The following NDUFS2 variants were observed in gnomAD, a reference collection of about 807,000 sequenced individuals.
The protein encoded by NDUFS2 is NADH:ubiquinone oxidoreductase core subunit S2, also known as NADH dehydrogenase [ubiquinone] iron-sulfur protein 2, mitochondrial.
A neutral mutation model predicts 69.6 loss-of-function variants in NDUFS2; 38 were observed. The ratio of observed to expected loss-of-function variants is 0.55; its 90% CI spans 0.42 to 0.72. The LOEUF is 0.72. Among genes scored for constraint, NDUFS2 ranks in the 30% least tolerant of loss-of-function variants. NDUFS2 has a pLI of 0.00. For synonymous variants in NDUFS2, 194 were observed against 211.2 expected, an observed-to-expected ratio of 0.92 and a Z score of 0.70; for missense variants, 468 against 595.0, an observed-to-expected ratio of 0.79 and a Z score of 2.22.
At chr1:161,210,222 C>T in intron 7 of NDUFS2, 34 bp downstream of exon 7, 1 of 1,611,466 alleles carries the variant, frequency 6.2e-7, no homozygotes, top group Non-Finnish European at 8.5e-7. Context: ...AATCTCTCCC[C>T]CACAAGAAGG....
intron 9 of NDUFS2, among the ~76,000 whole-genome samples, chr1:161,211,611 C>T (rs1015821384): frequency 2.0e-5 from 3 of 152,122 alleles, no homozygotes; most frequent in African/African-American, 7.2e-5. Flanking sequence ...GATGGAGCCA[C>T]TGCATTCCAG....
Position 161,205,657 on chromosome 1 carries a change from A to G in NDUFS2, c.203-750A>G, listed in dbSNP as rs1303630674. Among the ~76,000 whole-genome samples the G allele has an allele frequency of 5.3e-5, 8 of 151,666 alleles. No homozygotes were observed. The South Asian group carries it at 1.0e-3, about 20-fold the overall frequency. On this transcript the variant is annotated intron_variant, in intron 2 of 13. Coordinates refer to ENST00000676972, the MANE Select transcript of NDUFS2 (RefSeq NM_001377299.1). ...GTGGTGTGCGCCTGTAGTCCCAGCT[A>G]CTCTGGAGGCTGACACAGGAGAATT...
At chr1:161,209,657 A>G (rs1240123816) in intron 5 of NDUFS2, 62 bp downstream of exon 5, 1 of 1,371,100 alleles carries the variant, frequency 7.3e-7, no homozygotes, top group Non-Finnish European at 1.0e-6. Flanking sequence ...GAAGGTATAA[A>G]GGAGACAGGA....
At chr1:161,212,188 A>G (rs554016072) in intron 9 of NDUFS2, among the ~76,000 whole-genome samples, 163 bp from the exon 10 acceptor site, 2 of 151,712 alleles carry the variant, frequency 1.3e-5, no homozygotes, top group South Asian at 4.2e-4. Flanking sequence ...AAAAAAGACT[A>G]CAGGGTTTAT....
upstream of NDUFS2, chr1:161,198,658 G>T: frequency 6.8e-7 from 1 of 1,460,470 alleles, no homozygotes; most frequent in Non-Finnish European, 9.1e-7. The surrounding 1 kb of genome is among the most constrained non-coding windows in gnomAD (Gnocchi z 4.7). Flanking sequence ...GAGGGACTGA[G>T]GCCGTCTAGG....
At chr1:161,210,881 TTTTC>T (rs1665735483) in intron 9 of NDUFS2, among the ~76,000 whole-genome samples, 171 bp downstream of exon 9, 1 of 152,198 alleles carries the variant, frequency 6.6e-6, no homozygotes, top group African/African-American at 2.4e-5. Context: ...TTACTTATTT[TTTTC>T]TTTTTTGAGA....
intron 8 of NDUFS2, 54 bp downstream of exon 8, chr1:161,210,443 C>T (rs2102048817): frequency 1.2e-6 from 2 of 1,600,862 alleles, no homozygotes; most frequent in Non-Finnish European, 1.7e-6. Flanking sequence ...TGGGGGAGTT[C>T]CAGCCTAATA....
chr1:161,213,550 T>G (rs878903095), intron 11 of NDUFS2, 75 bp downstream of exon 11: 1 of 1,536,250 alleles, frequency 6.5e-7, no homozygotes. Flanking sequence ...AAATAGCTCA[T>G]TCATCAATGA....
At chr1:161,201,410 T>C (rs572074575), upstream of NDUFS2, among the ~76,000 whole-genome samples, 21 of 152,308 alleles carry the variant, frequency 1.4e-4, no homozygotes, top group South Asian at 3.9e-3. Flanking sequence ...TGGAGAGTTG[T>C]ACAAACTCTA....
chr1:161,198,948 G>T (rs1035238041), upstream of NDUFS2: 2 of 309,988 alleles, frequency 6.5e-6, no homozygotes, highest in Non-Finnish European at 5.9e-6. This position sits in a 1 kb window ranked among gnomAD's most constrained non-coding sequence, Gnocchi z 4.7. Context: ...GGCCGCTTCT[G>T]TGCCTGCCCT....
At chr1:161,198,056 C>T, upstream of NDUFS2, 8 of 1,606,348 alleles carry the variant, frequency 5.0e-6, no homozygotes, top group South Asian at 8.9e-5. This position sits in a 1 kb window ranked among gnomAD's most constrained non-coding sequence, Gnocchi z 4.7. Context: ...GCACATGGGA[C>T]CTTGACCGCT....
At chr1:161,197,550 T>G, upstream of NDUFS2, 1 of 168,244 alleles carries the variant, frequency 5.9e-6, no homozygotes, top group South Asian at 1.9e-4. Context: ...ACAGTGATTT[T>G]AAAGGCAGCA....
rs1032415964 is a variant in NDUFS2, at chr1:161,214,265, G to A, written c.*72G>A. On this transcript the variant is annotated 3_prime_UTR_variant, in exon 14 of 14. Coordinates refer to ENST00000676972, the MANE Select transcript of NDUFS2 (RefSeq NM_001377299.1). ...GGAGCCTGTTCCTCACTGGAAATTG[G>A]CCTCTGTGTGTGTGTGTGTGTGTGT... 15 of 1,341,550 alleles carry A rather than the reference G, an allele frequency of 1.1e-5. No homozygotes were observed. In the African/African-American group the frequency reaches 1.7e-4, roughly 16 times the overall value. 83.1% of individuals were successfully genotyped at this position (1,341,550 alleles called of 1,614,324 possible).
At chr1:161,209,635 G>A (rs774744549) in intron 5 of NDUFS2, 40 bp downstream of exon 5, 1 of 1,507,556 alleles carries the variant, frequency 6.6e-7, no homozygotes, top group Non-Finnish European at 9.1e-7. Context: ...GGAAGGAAGT[G>A]CAGGAAGTAG....
intron 3 of NDUFS2, among the ~76,000 whole-genome samples, chr1:161,207,026 G>A (rs190528659): frequency 2.0e-5 from 3 of 152,308 alleles, no homozygotes; most frequent in Non-Finnish European, 4.4e-5. Flanking sequence ...ATGAGTCACA[G>A]CAACTCAGAG....
At chr1:161,206,968 C>A (rs1665501890) in intron 3 of NDUFS2, among the ~76,000 whole-genome samples, 1 of 152,162 alleles carries the variant, frequency 6.6e-6, no homozygotes, top group East Asian at 1.9e-4. Flanking sequence ...AGTTTAACAG[C>A]TGATTCTTGT....
chr1:161,213,497 A>G (rs779693328), intron 11 of NDUFS2, 22 bp downstream of exon 11: 1 of 1,590,658 alleles, frequency 6.3e-7, no homozygotes, highest in East Asian at 2.2e-5. Flanking sequence ...AGGGGAAGGA[A>G]AAGACCATAT....
intron 9 of NDUFS2, among the ~76,000 whole-genome samples, chr1:161,211,358 C>G (rs1021345078): frequency 2.6e-5 from 4 of 152,210 alleles, no homozygotes; most frequent in African/African-American, 9.6e-5. Context: ...GCTTCAGATT[C>G]TCCTCCTGGG....
intron 3 of NDUFS2, among the ~76,000 whole-genome samples, chr1:161,207,746 A>C (rs980521374): frequency 4.0e-5 from 6 of 148,584 alleles, no homozygotes; most frequent in African/African-American, 1.5e-4. Flanking sequence ...AAAAAGATTA[A>C]AAAAAAAAAC....
Sources: gnomAD v4.1 joint callset for allele counts (sites outside exome capture counted in the v4.1 genomes callset) on GRCh38, gnomAD v4.1.1 for gene constraint, Gnocchi (gnomAD v3.1) non-coding constraint, MANE v1.5 for transcripts, NCBI Gene and HGNC (gene_info 2026-07-23, HGNC 2026-07-21) for gene names.